The following ANKRD13C variants were observed in gnomAD, a reference collection of about 807,000 sequenced individuals.
The protein encoded by ANKRD13C is ankyrin repeat domain-containing protein 13C.
ANKRD13C carries 16 observed loss-of-function variants against 65.5 expected under a neutral mutation model. That is an observed-to-expected ratio of 0.24 (90% confidence interval 0.17 to 0.37). The LOEUF (loss-of-function observed/expected upper bound fraction) is 0.37, where lower values mean the gene tolerates loss of function less well. Among genes scored for constraint, ANKRD13C ranks in the 10% least tolerant of loss-of-function variants. The pLI, the probability that ANKRD13C is intolerant of heterozygous loss-of-function variation, is 1.00. For missense variants in ANKRD13C, 503 were observed against 655.9 expected, an observed-to-expected ratio of 0.77 and a Z score of 2.55; for synonymous variants, 235 against 238.7, an observed-to-expected ratio of 0.98 and a Z score of 0.14.
chr1:70,292,710 T>A (rs909143407), intron 8 of ANKRD13C, among the ~76,000 whole-genome samples, 161 bp from the exon 9 acceptor site: 1 of 152,202 alleles, frequency 6.6e-6, no homozygotes, highest in Admixed American at 6.5e-5. Flanking sequence ...ATACAACATA[T>A]ACATCTAAGT....
Position 70,259,440 on chromosome 1 carries a change from T to G in ANKRD13C, c.*3277A>C, listed in dbSNP as rs1181661708. ...TAGGTACCATTATGACTGAAAGTAT[T>G]ACTCTTCTAAAATGAACTGTAACAA... On this transcript the variant is annotated 3_prime_UTR_variant, in exon 13 of 13. Transcript: ENST00000370944. Among the ~76,000 whole-genome samples the G allele has an allele frequency of 6.6e-6, 1 of 152,166 alleles. No individual in the cohort carries two copies. The highest frequency in any genetic ancestry group is 1.5e-5 in the Non-Finnish European group (1 of 68,012).
At chr1:70,342,769 C>A (rs1299909224) in intron 1 of ANKRD13C, among the ~76,000 whole-genome samples, 1 of 151,238 alleles carries the variant, frequency 6.6e-6, no homozygotes, top group African/African-American at 2.4e-5. Context: ...CACACACACA[C>A]ACAAAATAAC....
intron 5 of ANKRD13C, among the ~76,000 whole-genome samples, chr1:70,309,509 A>G (rs974776585): frequency 1.3e-5 from 2 of 150,246 alleles, no homozygotes; most frequent in African/African-American, 4.9e-5. Flanking sequence ...ACGAGGTGAG[A>G]AGATCAAGAC....
At chr1:70,320,370 A>G (rs1463987848) in intron 3 of ANKRD13C, among the ~76,000 whole-genome samples, 1 of 151,456 alleles carries the variant, frequency 6.6e-6, no homozygotes, top group Admixed American at 6.6e-5. Flanking sequence ...ACTTTGTCCC[A>G]GGCTCCAGGC....
Position 70,296,258 on chromosome 1 carries a change from A to C in ANKRD13C, c.925T>G (p.Ser309Ala), listed in dbSNP as rs1041090987. 1.2e-6 allele frequency: 2 copies of C among 1,612,130 alleles called. No homozygotes were observed. The highest frequency in any genetic ancestry group is 1.7e-6 in the Non-Finnish European group (2 of 1,179,454). ...KVYQRIHHEESEMETEEEVDI... is the reference protein window; with the variant it reads ...KVYQRIHHEEAEMETEEEVDI... Reference sequence around the variant, plus strand: ...ACCTCTTCTTCTGTTTCCATCTCTGATTCCTGGGATGTGAGCAAAAGTTAA... The same window carrying C: ...ACCTCTTCTTCTGTTTCCATCTCTGCTTCCTGGGATGTGAGCAAAAGTTAA... Residue 309 changes from serine to alanine, a missense_variant, in exon 8 of 13, where the codon TCA (serine) becomes GCA (alanine). This residue lies in a region of ANKRD13C where 300 missense variants were observed against 478.3 expected (regional missense o/e 0.63). Transcript: ENST00000370944.
chr1:70,304,449 T>C (rs1200381285), intron 6 of ANKRD13C, among the ~76,000 whole-genome samples: 2 of 152,058 alleles, frequency 1.3e-5, no homozygotes, highest in South Asian at 4.2e-4. Flanking sequence ...CAGGCTAAAG[T>C]GCAGTGTCGT....
chr1:70,312,442 C>G (rs1680888737), intron 5 of ANKRD13C, among the ~76,000 whole-genome samples: 1 of 151,124 alleles, frequency 6.6e-6, no homozygotes, highest in African/African-American at 2.4e-5. Flanking sequence ...GCAGTAGCAG[C>G]ACTGGATGGG....
At chr1:70,268,666 G>T (rs1678739580) in intron 12 of ANKRD13C, among the ~76,000 whole-genome samples, 1 of 152,124 alleles carries the variant, frequency 6.6e-6, no homozygotes, top group Non-Finnish European at 1.5e-5. Flanking sequence ...TGTATCAAAG[G>T]AAGTAAAAAT....
intron 5 of ANKRD13C, among the ~76,000 whole-genome samples, chr1:70,309,534 C>A (rs1247209753): frequency 6.7e-6 from 1 of 149,642 alleles, no homozygotes; most frequent in Non-Finnish European, 1.5e-5. Flanking sequence ...TTGGCTAACA[C>A]GGTGAAATCC....
At chr1:70,300,632 A>G (rs911591527) in intron 7 of ANKRD13C, 132 bp downstream of exon 7, 8 of 780,706 alleles carry the variant, frequency 1.0e-5, no homozygotes, top group Non-Finnish European at 1.5e-5. Flanking sequence ...AGTGGTCAGG[A>G]AACTATAGCT....
At chr1:70,334,820 C>T (rs1226547208) in intron 2 of ANKRD13C, among the ~76,000 whole-genome samples, 4 of 151,948 alleles carry the variant, frequency 2.6e-5, no homozygotes, top group South Asian at 2.1e-4. Context: ...GCAGGAGAGT[C>T]GCTTGAACCT....
chr1:70,308,381 AAGG>A (rs920534226), intron 5 of ANKRD13C, among the ~76,000 whole-genome samples: 1 of 152,120 alleles, frequency 6.6e-6, no homozygotes, highest in African/African-American at 2.4e-5. Flanking sequence ...AAAATCAGGA[AAGG>A]AGGAAAATGG....
At chr1:70,325,310 G>C (rs1330770774) in intron 2 of ANKRD13C, among the ~76,000 whole-genome samples, 2 of 152,132 alleles carry the variant, frequency 1.3e-5, no homozygotes, top group Non-Finnish European at 2.9e-5. Flanking sequence ...CTATCAGCTA[G>C]TAAGACCCAA....
chr1:70,294,863 C>CA (rs1434411074), intron 8 of ANKRD13C, among the ~76,000 whole-genome samples: 1 of 152,118 alleles, frequency 6.6e-6, no homozygotes, highest in East Asian at 1.9e-4. Flanking sequence ...ATTTCTAACT[C>CA]AAGAGCACAA....
chr1:70,293,620 G>C, intron 8 of ANKRD13C: 1 of 931,820 alleles, frequency 1.1e-6, no homozygotes. Flanking sequence ...TCCATCTAAT[G>C]CTGCCCAGAA....
intron 12 of ANKRD13C, among the ~76,000 whole-genome samples, chr1:70,269,039 CT>C (rs1343400485): frequency 1.5e-5 from 2 of 131,514 alleles, no homozygotes; most frequent in East Asian, 2.7e-4. Context: ...TCCCTCCCCC[CT>C]CCCCCCTAAT....
chr1:70,262,003 T>C lies in ANKRD13C; in HGVS notation c.*714A>G, dbSNP rs1273053176. 6.6e-6 allele frequency: 1 copy of C among 152,242 alleles called. No homozygotes were observed. The highest frequency in any genetic ancestry group is 1.9e-4 in the East Asian group (1 of 5,188). 9.4% of individuals were successfully genotyped at this position (152,242 alleles called of 1,614,324 possible). A position where few individuals can be genotyped will look rare whatever the true frequency, so the allele number is the denominator to read the frequency against. ...ATGAAAGGAAGATTAGTAACAAACA[T>C]TCAGGTAAAAACAAATAGCACCACA... On this transcript the variant is annotated 3_prime_UTR_variant, in exon 13 of 13. Transcript: ENST00000370944.
At chr1:70,330,644 G>A (rs1178598525) in intron 2 of ANKRD13C, among the ~76,000 whole-genome samples, 6 of 145,790 alleles carry the variant, frequency 4.1e-5, no homozygotes, top group Admixed American at 3.4e-4. Flanking sequence ...CAAATATAGA[G>A]AGAACCAGTG....
At chr1:70,274,882 C>T (rs1679062512) in intron 10 of ANKRD13C, 64 bp from the exon 11 acceptor site, 1 of 960,988 alleles carries the variant, frequency 1.0e-6, no homozygotes, top group Non-Finnish European at 1.7e-6. Flanking sequence ...TCCTAAGAAG[C>T]ATCTGTCATC....
Sources: gnomAD v4.1 joint callset for allele counts (sites outside exome capture counted in the v4.1 genomes callset) on GRCh38, gnomAD v4.1.1 for gene constraint, gnomAD v4.1.1 regional missense constraint, MANE v1.5 for transcripts, NCBI Gene and HGNC (gene_info 2026-07-23, HGNC 2026-07-21) for gene names.